SPON1: variants seen among roughly 807,000 people sequenced by gnomAD.
SPON1 encodes spondin 1.
A neutral mutation model predicts 111.7 loss-of-function variants in SPON1; 52 were observed. That is an observed-to-expected ratio of 0.47 (90% CI 0.37 to 0.59). SPON1 has a LOEUF of 0.59. Ranked by LOEUF, SPON1 falls within the 20% of genes least tolerant of loss-of-function variation. SPON1 has a pLI of 0.00. For synonymous variants in SPON1, 410 were observed against 395.8 expected, an observed-to-expected ratio of 1.04 and a Z score of -0.43; for missense variants, 957 against 1,068.5, an observed-to-expected ratio of 0.90 and a Z score of 1.46.
intron 5 of SPON1, among the ~76,000 whole-genome samples, chr11:14,132,946 C>T (rs1045093994): frequency 6.6e-6 from 1 of 152,172 alleles, no homozygotes; most frequent in Non-Finnish European, 1.5e-5. Flanking sequence ...TAGGCATTAT[C>T]ATCCCTGAAT....
intron 2 of SPON1, among the ~76,000 whole-genome samples, chr11:14,020,946 T>G (rs1380446949): frequency 6.6e-6 from 1 of 152,198 alleles, no homozygotes; most frequent in African/African-American, 2.4e-5. Flanking sequence ...ATACACTGAA[T>G]ATTTCTGGCA....
chr11:14,079,029 T>C (rs782084545), intron 4 of SPON1, among the ~76,000 whole-genome samples: 3 of 152,210 alleles, frequency 2.0e-5, no homozygotes, highest in Non-Finnish European at 2.9e-5. Context: ...AAAATTATGT[T>C]AATACTACTA....
At chr11:14,146,925 A>G (rs960894726) in intron 6 of SPON1, among the ~76,000 whole-genome samples, 3 of 151,964 alleles carry the variant, frequency 2.0e-5, no homozygotes, top group Non-Finnish European at 2.9e-5. Flanking sequence ...TTCATACCTT[A>G]ATCCTGGAAC....
chr11:14,264,185 C>A (rs1849229872), intron 15 of SPON1, among the ~76,000 whole-genome samples: 1 of 152,074 alleles, frequency 6.6e-6, no homozygotes, highest in Admixed American at 6.6e-5. Context: ...AGGCAGGAAA[C>A]CAGGCTGGGA....
chr11:14,255,334 A>G (rs1849094178), intron 8 of SPON1, among the ~76,000 whole-genome samples: 1 of 152,228 alleles, frequency 6.6e-6, no homozygotes, highest in Admixed American at 6.5e-5. Context: ...AAGTTTTCCA[A>G]TGCCGGGTCT....
chr11:14,119,877 C>T (rs1286949133), intron 5 of SPON1, among the ~76,000 whole-genome samples: 1 of 151,988 alleles, frequency 6.6e-6, no homozygotes, highest in Admixed American at 6.6e-5. Context: ...AGTAGCCACT[C>T]GATACACTTA....
At position 14,243,394 on chromosome 11, in the gene SPON1, C is replaced by G; in HGVS notation, c.888C>G (p.Asn296Lys). The change falls in exon 7 of 16, where the codon AAC (asparagine) becomes AAG (lysine). Residue 296 changes from asparagine to lysine, a missense_variant and splice_region_variant. Around this residue, in one of 5 missense-constraint regions of SPON1, gnomAD observed 122 missense variants for 143.2 expected, o/e 0.85. Coordinates refer to ENST00000576479, the MANE Select transcript of SPON1 (RefSeq NM_006108.4). ...KAQWPAWQPL[N>K]VRAAPSAEFS... ...AATGGCCAGCCTGGCAGCCTCTCAA[C>G]GTGTAAGTAACACAAGTCCCTTGCC... 4 of 1,570,744 alleles carry G rather than the reference C, an allele frequency of 2.5e-6. No homozygotes were observed. Among genetic ancestry groups the G allele is most frequent in the Non-Finnish European group, 2.6e-6 (3 of 1,157,322 alleles).
chr11:14,123,569 A>G (rs1847421605), intron 5 of SPON1, among the ~76,000 whole-genome samples: 1 of 152,180 alleles, frequency 6.6e-6, no homozygotes, highest in Admixed American at 6.5e-5. Flanking sequence ...TTAGCTCCCC[A>G]GGGGCTGTTC....
At chr11:13,981,561 T>A (rs1343993610) in intron 1 of SPON1, among the ~76,000 whole-genome samples, 1 of 152,150 alleles carries the variant, frequency 6.6e-6, no homozygotes, top group African/African-American at 2.4e-5. Flanking sequence ...CTCTTGACCT[T>A]GTGATCCGCC....
At chr11:14,251,981 A>T (rs1344317458) in intron 7 of SPON1, among the ~76,000 whole-genome samples, 2 of 152,222 alleles carry the variant, frequency 1.3e-5, no homozygotes, top group Non-Finnish European at 2.9e-5. Flanking sequence ...AGACTTCCTA[A>T]TAAAGCATCT....
chr11:14,025,153 C>T (rs1848508420), intron 2 of SPON1, among the ~76,000 whole-genome samples: 2 of 152,164 alleles, frequency 1.3e-5, no homozygotes, highest in South Asian at 4.2e-4. Context: ...CAAGTCTAGG[C>T]ACCGGGAACA....
At chr11:14,025,261 A>G (rs189366630) in intron 2 of SPON1, among the ~76,000 whole-genome samples, 3 of 152,346 alleles carry the variant, frequency 2.0e-5, no homozygotes, top group Admixed American at 2.0e-4. Context: ...CAGTCCACCT[A>G]GTTTGCCTTC....
chr11:14,182,494 C>T (rs1428950014), intron 6 of SPON1, among the ~76,000 whole-genome samples: 1 of 152,134 alleles, frequency 6.6e-6, no homozygotes, highest in Non-Finnish European at 1.5e-5. Flanking sequence ...TGAGAAGCCC[C>T]TTTCATCACA....
Position 14,239,650 on chromosome 11 carries a change from G to A in SPON1, c.826-3682G>A, listed in dbSNP as rs140412452. 1.1e-3 allele frequency among the ~76,000 whole-genome samples: 166 copies of A among 152,296 alleles called. 1 individual carries two copies. The highest frequency in any genetic ancestry group is 3.6e-3 in the African/African-American group (150 of 41,560). On this transcript the variant is annotated intron_variant, in intron 6 of 15. Coordinates refer to ENST00000576479, the MANE Select transcript of SPON1 (RefSeq NM_006108.4). ...TGAGGTGGGAGGATTGCTTGAGCCC[G>A]GGAGGCTGAGCCTGCAGTGAGCTGA...
chr11:14,233,758 C>CTTT lies in SPON1; in HGVS notation c.826-9555_826-9553dup, dbSNP rs10610600. Among the ~76,000 whole-genome samples, 171 of 96,810 alleles carry CTTT rather than the reference C, an allele frequency of 1.8e-3. 1 individual carries two copies. Among genetic ancestry groups the CTTT allele is most frequent in the African/African-American group, 2.9e-3 (71 of 24,642 alleles). The allele number at this position is 96,810 out of a possible 152,430, so 63.5% of individuals were successfully genotyped here. A position where few individuals can be genotyped will look rare whatever the true frequency, so the allele number is the denominator to read the frequency against. On this transcript the variant is annotated intron_variant, in intron 6 of 15. Coordinates refer to ENST00000576479, the MANE Select transcript of SPON1 (RefSeq NM_006108.4). ...GGAGTGTCCAACACTGTTTCTTTTT[C>CTTT]TTTTTTTTTTTTTTTTTTTTTGAGA...
rs193128596 is a variant in SPON1 at position 14,028,343 on chromosome 11, C to T, written c.346-13178C>T. 1.3e-4 allele frequency among the ~76,000 whole-genome samples: 19 copies of T among 151,914 alleles called. 1 individual carries two copies. The highest frequency in any genetic ancestry group is 3.9e-4 in the African/African-American group (16 of 41,446). On this transcript the variant is annotated intron_variant, in intron 2 of 15. Transcript: ENST00000576479. ...ATATAAAAAATAAAAAATATTACCT[C>T]GGCATGGTGGCGTGTGCCTGTGGTC...
chr11:14,033,449 A>AG (rs1341774523), intron 2 of SPON1, among the ~76,000 whole-genome samples: 4 of 152,116 alleles, frequency 2.6e-5, no homozygotes, highest in African/African-American at 9.7e-5. Context: ...AAGTGTGAGG[A>AG]GGTGACGTAT....
intron 5 of SPON1, among the ~76,000 whole-genome samples, chr11:14,114,976 G>C (rs1849256117): frequency 6.6e-6 from 1 of 152,124 alleles, no homozygotes. Context: ...ACTAAAAATA[G>C]TAGCTTTGCA....
At chr11:14,070,472 G>A (rs1554920791) in intron 3 of SPON1, among the ~76,000 whole-genome samples, 2 of 152,096 alleles carry the variant, frequency 1.3e-5, no homozygotes, top group Admixed American at 6.5e-5. Flanking sequence ...TGTTTATTAA[G>A]TACTTATTAC....
Sources: allele counts gnomAD v4.1 joint callset (sites outside exome capture counted in the v4.1 genomes callset), GRCh38; gene constraint gnomAD v4.1.1; regional missense constraint gnomAD v4.1.1; transcripts MANE v1.5; gene names NCBI Gene and HGNC (gene_info 2026-07-23, HGNC 2026-07-21).